The following FLT1 variants were observed in gnomAD, a reference collection of about 807,000 sequenced individuals.
The protein encoded by FLT1 is fms related receptor tyrosine kinase 1.
Under a neutral mutation model 156.3 loss-of-function variants are expected in FLT1, and 49 were observed. That is an observed-to-expected ratio of 0.31 (90% CI 0.25 to 0.40). The LOEUF (loss-of-function observed/expected upper bound fraction) is 0.40. Among genes scored for constraint, FLT1 ranks in the 10% least tolerant of loss-of-function variants. The probability of loss-of-function intolerance (pLI) is 1.00; values close to 1 mark genes in which losing one functional copy is unlikely to be tolerated. For synonymous variants in FLT1, 594 were observed against 583.8 expected (o/e 1.02, Z -0.25); for missense variants, 1,322 against 1,637.2 (o/e 0.81, Z 3.32).
At chr13:28,412,350 C>CTTTCTTTCCTTTCTTTT (rs71086853) in intron 10 of FLT1, among the ~76,000 whole-genome samples, 3 of 93,708 alleles carry the variant, frequency 3.2e-5, no homozygotes, top group African/African-American at 1.1e-4. Context: ...TTCTTTCTTT[C>CTTTCTTTCCTTTCTTTT]TCTTTCTTTC....
chr13:28,421,150 G>T (rs866322747), intron 10 of FLT1, among the ~76,000 whole-genome samples: 5 of 152,028 alleles, frequency 3.3e-5, no homozygotes, highest in Non-Finnish European at 7.4e-5. Context: ...TGAGAATGGC[G>T]GGAAACATTA....
intron 25 of FLT1, among the ~76,000 whole-genome samples, chr13:28,314,529 G>A (rs1261180293): frequency 1.3e-5 from 2 of 152,192 alleles, no homozygotes; most frequent in African/African-American, 4.8e-5. Flanking sequence ...GTTTAGTAAA[G>A]TTATGAGACA....
At chr13:28,387,757 A>T in intron 13 of FLT1, 1 of 1,047,870 alleles carries the variant, frequency 9.5e-7, no homozygotes, top group South Asian at 4.6e-5. Context: ...CCCCAGGGTA[A>T]CATACCCCTA....
chr13:28,340,915 G>T (rs570063933), intron 16 of FLT1, among the ~76,000 whole-genome samples: 13 of 152,308 alleles, frequency 8.5e-5, no homozygotes, highest in Non-Finnish European at 1.5e-4. Context: ...CGGCCTGCCA[G>T]ACACTCTGTG....
rs1377450424 is a variant in FLT1, at chr13:28,321,575, C to T, written c.3062G>A (p.Arg1021Gln). 2.5e-6 allele frequency: 4 copies of T among 1,613,996 alleles called. No individual in the cohort carries two copies. Among genetic ancestry groups the T allele is most frequent in the African/African-American group, 1.3e-5 (1 of 74,922 alleles). Residue 1021 changes from arginine (R) to glutamine (Q), a missense_variant, in exon 23 of 30, where the codon CGG becomes CAG. Transcript: ENST00000282397. ...AAGAATGTTTCTCGCTGCCAGGTCCCGATGAATGCACTATAATAAAACAGT... is the reference window on the plus strand; with the variant it reads ...AAGAATGTTTCTCGCTGCCAGGTCCTGATGAATGCACTATAATAAAACAGT... ...EFLSSRKCIH[R>Q]DLAARNILLS...
intron 3 of FLT1, 115 bp from the exon 4 acceptor site, chr13:28,438,460 A>G: frequency 1.3e-6 from 1 of 788,438 alleles, no homozygotes; most frequent in Non-Finnish European, 2.1e-6. Flanking sequence ...ATTCTCCCTT[A>G]ATGTAATCCA....
At chr13:28,467,273 A>G (rs1879902706) in intron 2 of FLT1, 144 bp from the exon 3 acceptor site, 2 of 750,790 alleles carry the variant, frequency 2.7e-6, no homozygotes, top group African/African-American at 1.7e-5. Flanking sequence ...CAACACATTC[A>G]GAAAAGCTGT....
chr13:28,303,371 A>T lies in FLT1; in HGVS notation c.3816-3T>A. On this transcript the variant is annotated splice_region_variant and splice_polypyrimidine_tract_variant and intron_variant, in intron 29 of 29. Coordinates refer to ENST00000282397, the MANE Select transcript of FLT1 (RefSeq NM_002019.4). The stretch of plus-strand genomic sequence containing the variant: ...TACTTTTACTGGTTACTCTCAAGCT[A>T]AAGAAAGAAAGGAAAGAAATCAAAT... The T allele has an allele frequency of 6.2e-7, 1 of 1,612,714 alleles. No homozygotes were observed. Among genetic ancestry groups the T allele is most frequent in the South Asian group, 1.1e-5 (1 of 91,046 alleles).
intron 10 of FLT1, among the ~76,000 whole-genome samples, chr13:28,420,892 A>G (rs1307181466): frequency 6.6e-6 from 1 of 152,064 alleles, no homozygotes; most frequent in East Asian, 1.9e-4. Flanking sequence ...CAATTTGCTG[A>G]CGTAAACAAT....
chr13:28,490,894 G>A (rs796558033), intron 1 of FLT1, among the ~76,000 whole-genome samples: 9 of 152,084 alleles, frequency 5.9e-5, no homozygotes, highest in African/African-American at 1.9e-4. Context: ...AATTAGACAC[G>A]CCTGGCCTCT....
intron 25 of FLT1, among the ~76,000 whole-genome samples, chr13:28,313,231 G>A (rs982392355): frequency 2.6e-5 from 4 of 151,934 alleles, no homozygotes; most frequent in African/African-American, 7.3e-5. Context: ...CACCAGCCTC[G>A]GCCTCCCAAA....
At position 28,368,556 on chromosome 13, in the gene FLT1, A is replaced by T. The variant is rs139231857; in HGVS notation, c.2117-10871T>A. ...AATGGTAGCTATGATGATGATGATGATGATGATGATAATGATGATAGCTAT... is the reference window on the plus strand; with the variant it reads ...AATGGTAGCTATGATGATGATGATGTTGATGATGATAATGATGATAGCTAT... On this transcript the variant is annotated intron_variant, in intron 14 of 29. Coordinates refer to ENST00000282397, the MANE Select transcript of FLT1 (RefSeq NM_002019.4). 640 of 1,538,944 alleles carry T rather than the reference A, an allele frequency of 4.2e-4. 1 individual carries two copies. In the African/African-American group the frequency reaches 8.2e-3, roughly 20 times the overall value.
At chr13:28,375,797 G>T (rs1428973397) in intron 14 of FLT1, among the ~76,000 whole-genome samples, 2 of 152,180 alleles carry the variant, frequency 1.3e-5, no homozygotes, top group Non-Finnish European at 2.9e-5. Context: ...CACCCTCACA[G>T]GCACTGCTCT....
At chr13:28,484,151 A>C (rs1358600895) in intron 1 of FLT1, among the ~76,000 whole-genome samples, 2 of 152,234 alleles carry the variant, frequency 1.3e-5, no homozygotes, top group Non-Finnish European at 2.9e-5. Flanking sequence ...CCTGGGGGAC[A>C]GTTAATGTCC....
intron 14 of FLT1, among the ~76,000 whole-genome samples, chr13:28,367,916 C>G (rs1450723309): frequency 6.6e-6 from 1 of 152,172 alleles, no homozygotes; most frequent in Admixed American, 6.5e-5. Flanking sequence ...TGAAATCTCC[C>G]CTGATTAGTC....
At chr13:28,461,932 T>C (rs1879599870) in intron 3 of FLT1, among the ~76,000 whole-genome samples, 1 of 152,148 alleles carries the variant, frequency 6.6e-6, no homozygotes, top group Admixed American at 6.6e-5. Context: ...CCATTGACTT[T>C]AATAGAGCCA....
At chr13:28,451,710 G>A (rs1454227338) in intron 3 of FLT1, among the ~76,000 whole-genome samples, 3 of 152,202 alleles carry the variant, frequency 2.0e-5, no homozygotes, top group African/African-American at 7.2e-5. Context: ...GTGCTGCGCT[G>A]ATGACCTGCG....
chr13:28,406,012 G>GA (rs1875776902), intron 10 of FLT1, 118 bp from the exon 11 acceptor site: 2 of 552,206 alleles, frequency 3.6e-6, no homozygotes, highest in Non-Finnish European at 6.4e-6. Context: ...TTTTATGTGT[G>GA]ATCTTCTTTT....
At chr13:28,396,676 T>C (rs1875066206) in intron 12 of FLT1, 1 of 527,128 alleles carries the variant, frequency 1.9e-6, no homozygotes, top group African/African-American at 1.9e-5. Context: ...TGCTAGGTAC[T>C]GAAGGGAATG....
Sources: allele counts gnomAD v4.1 joint callset (sites outside exome capture counted in the v4.1 genomes callset), GRCh38; gene constraint gnomAD v4.1.1; transcripts MANE v1.5; gene names NCBI Gene and HGNC (gene_info 2026-07-23, HGNC 2026-07-21).